Variants in TAF4B observed in about 807,000 individuals in gnomAD.
The protein encoded by TAF4B is TATA-box binding protein associated factor 4b, also known as transcription initiation factor TFIID subunit 4B.
A neutral mutation model predicts 86.4 loss-of-function variants in TAF4B; 38 were observed. That is an observed-to-expected ratio of 0.44 (90% CI 0.34 to 0.58). TAF4B has a LOEUF of 0.58. Ranked by LOEUF, TAF4B falls within the 20% of genes least tolerant of loss-of-function variation. TAF4B has a pLI of 0.02. For missense variants in TAF4B, 988 were observed against 1,027.6 expected, an observed-to-expected ratio of 0.96 and a Z score of 0.53; for synonymous variants, 388 against 391.2, an observed-to-expected ratio of 0.99 and a Z score of 0.10.
chr18:26,315,188 CACACAA>C (rs746224897), intron 9 of TAF4B, 35 bp from the exon 10 acceptor site: 3 of 1,386,506 alleles, frequency 2.2e-6, no homozygotes, highest in Admixed American at 2.1e-5. Flanking sequence ...CACACACACA[CACACAA>C]CCTAAAATGT....
In TAF4B at chr18:26,277,084, G is replaced by C. The variant is rs556697831; in HGVS notation, c.882+2031G>C. On this transcript the variant is annotated intron_variant, in intron 5 of 14. Coordinates refer to ENST00000269142, the MANE Select transcript of TAF4B (RefSeq NM_005640.3). ...TGAAAAATGCTTAACTTTTTTTATT[G>C]AAAAAATTTTTTTTTGAGATAGGGT... is the stretch of plus-strand genomic sequence containing the variant. Among the ~76,000 whole-genome samples, 229 of 151,856 alleles carry C rather than the reference G, an allele frequency of 1.5e-3. 1 individual carries two copies. The highest frequency in any genetic ancestry group is 2.5e-3 in the Non-Finnish European group (167 of 67,874).
chr18:26,315,193 A>ACACACACACACACACACACAC, intron 9 of TAF4B, 36 bp from the exon 10 acceptor site: 3 of 1,393,058 alleles, frequency 2.2e-6, no homozygotes, highest in Non-Finnish European at 1.9e-6. Context: ...ACACACACAC[A>ACACACACACACACACACACAC]ACCTAAAATG....
chr18:26,308,182 A>C (rs1167295869), intron 9 of TAF4B, among the ~76,000 whole-genome samples: 2 of 152,130 alleles, frequency 1.3e-5, no homozygotes, highest in Non-Finnish European at 2.9e-5. Context: ...TGAGCTCCGG[A>C]AGTGAAGGCT....
intron 14 of TAF4B, among the ~76,000 whole-genome samples, chr18:26,369,410 T>G (rs2057392317): frequency 6.6e-6 from 1 of 152,226 alleles, no homozygotes; most frequent in African/African-American, 2.4e-5. Flanking sequence ...AAGTTACCTG[T>G]TTTTAAGACA....
intron 10 of TAF4B, among the ~76,000 whole-genome samples, chr18:26,317,920 C>G (rs2081386171): frequency 6.6e-6 from 1 of 152,156 alleles, no homozygotes. Flanking sequence ...CAACTGTATC[C>G]CCGTAAAACT....
At chr18:26,333,333 G>T (rs917224837) in intron 12 of TAF4B, among the ~76,000 whole-genome samples, 6 of 149,924 alleles carry the variant, frequency 4.0e-5, no homozygotes, top group Non-Finnish European at 8.9e-5. Flanking sequence ...CGATTCTTAG[G>T]TCTCAGCCTC....
At chr18:26,274,217 GATA>G (rs2056355195) in intron 3 of TAF4B, among the ~76,000 whole-genome samples, 1 of 152,114 alleles carries the variant, frequency 6.6e-6, no homozygotes, top group Non-Finnish European at 1.5e-5. Context: ...CTAAATTTTA[GATA>G]ATAAGTAGAT....
chr18:26,267,583 C>T lies in TAF4B; in HGVS notation c.557C>T (p.Thr186Ile), dbSNP rs367751144. Residue 186 changes from threonine (T) to isoleucine (I), a missense_variant, in exon 3 of 15, where the codon ACT becomes ATT. Around this residue, in one of 3 missense-constraint regions of TAF4B, gnomAD observed 747 missense variants for 737.9 expected, o/e 1.01. Transcript: ENST00000269142. ...GTTAAAAAATTGGCACAAATAGGAA[C>T]TACTGTGGTAACCACTGTTCCGAAG... Reference protein sequence around the residue: ...TPVKKLAQIGTTVVTTVPKPS... With the variant: ...TPVKKLAQIGITVVTTVPKPS... The T allele has an allele frequency of 3.7e-6, 6 of 1,614,050 alleles. No individual in the cohort carries two copies. In the African/African-American group the frequency reaches 6.7e-5, roughly 18 times the overall value.
At chr18:26,348,622 A>C (rs543575931) in intron 13 of TAF4B, 1 of 153,520 alleles carries the variant, frequency 6.5e-6, no homozygotes, top group African/African-American at 2.4e-5. Context: ...TTACAAATGT[A>C]ATAAGTGTGT....
chr18:26,378,720 C>G (rs911393078), intron 14 of TAF4B, among the ~76,000 whole-genome samples: 4 of 152,138 alleles, frequency 2.6e-5, no homozygotes, highest in African/African-American at 9.7e-5. Context: ...CCTGCAACCC[C>G]CTCTGCAATT....
intron 14 of TAF4B, among the ~76,000 whole-genome samples, chr18:26,378,373 A>G (rs1364058502): frequency 6.6e-6 from 1 of 152,210 alleles, no homozygotes; most frequent in African/African-American, 2.4e-5. Flanking sequence ...AAATTTACAA[A>G]CATCTTTTCA....
chr18:26,339,211 C>T (rs1391359410), intron 13 of TAF4B, among the ~76,000 whole-genome samples: 1 of 152,302 alleles, frequency 6.6e-6, no homozygotes, highest in East Asian at 1.9e-4. Flanking sequence ...ATTTTCTATA[C>T]TAGCCCTTTC....
intron 1 of TAF4B, among the ~76,000 whole-genome samples, chr18:26,244,947 C>T (rs1376054668): frequency 6.6e-5 from 10 of 152,248 alleles, no homozygotes; most frequent in African/African-American, 7.2e-5. Flanking sequence ...AACTTTTTGT[C>T]GGGACCCCAG....
chr18:26,304,728 A>G, intron 9 of TAF4B: 8 of 985,394 alleles, frequency 8.1e-6, no homozygotes, highest in Non-Finnish European at 9.6e-6. Flanking sequence ...TTCCTTTAGG[A>G]TATGCTTATT....
intron 3 of TAF4B, among the ~76,000 whole-genome samples, chr18:26,270,381 C>T (rs962577244): frequency 2.6e-5 from 4 of 152,140 alleles, no homozygotes; most frequent in East Asian, 3.8e-4. Flanking sequence ...TCTGAATATT[C>T]GTTGAAGTCT....
rs534147422 is a variant in TAF4B at position 26,243,518 on chromosome 18, G to A, written c.343+16242G>A. ...CAAGTTTTTAGCTTCTTTGCAGTGG[G>A]TTCAAACATCCTCCTTTAGCTCAGA... On this transcript the variant is annotated intron_variant, in intron 1 of 14. Coordinates refer to ENST00000269142, the MANE Select transcript of TAF4B (RefSeq NM_005640.3). 1.4e-3 allele frequency among the ~76,000 whole-genome samples: 211 copies of A among 152,234 alleles called. 4 individuals are homozygous for A. In the South Asian group the frequency reaches 0.042, roughly 30 times the overall value.
At chr18:26,244,348 G>T (rs1251800077) in intron 1 of TAF4B, among the ~76,000 whole-genome samples, 2 of 152,240 alleles carry the variant, frequency 1.3e-5, no homozygotes, top group Non-Finnish European at 2.9e-5. Flanking sequence ...AGTGAGCGAG[G>T]TTCTGTGGGC....
At chr18:26,315,141 T>A (rs1568147918) in intron 9 of TAF4B, 88 bp from the exon 10 acceptor site, 35 of 340,774 alleles carry the variant, frequency 1.0e-4, no homozygotes, top group South Asian at 3.2e-4. Context: ...TCTCTCTCTC[T>A]CTCTGTCTCT....
chr18:26,238,704 A>G (rs964590332), intron 1 of TAF4B, among the ~76,000 whole-genome samples: 2 of 151,908 alleles, frequency 1.3e-5, no homozygotes, highest in Non-Finnish European at 2.9e-5. Context: ...CTCATCATTT[A>G]CATTAGGTAT....
Sources: gnomAD v4.1 joint callset for allele counts (sites outside exome capture counted in the v4.1 genomes callset) on GRCh38, gnomAD v4.1.1 for gene constraint, gnomAD v4.1.1 regional missense constraint, MANE v1.5 for transcripts, NCBI Gene and HGNC (gene_info 2026-07-23, HGNC 2026-07-21) for gene names.